PPFIBP1: variants seen among roughly 807,000 people sequenced by gnomAD.
PPFIBP1 encodes PPFIB scaffold protein 1.
Under a neutral mutation model 137.8 loss-of-function variants are expected in PPFIBP1, and 112 were observed. That is an observed-to-expected ratio of 0.81 (90% confidence interval 0.70 to 0.95). PPFIBP1 has a LOEUF of 0.95. Ranked by LOEUF, PPFIBP1 falls within the 40% of genes least tolerant of loss-of-function variation. The probability of loss-of-function intolerance (pLI) is 0.00; values close to 1 mark genes in which losing one functional copy is unlikely to be tolerated. For synonymous variants in PPFIBP1, 378 were observed against 417.3 expected (o/e 0.91, Z 1.15); for missense variants, 1,083 against 1,196.6 (o/e 0.91, Z 1.40).
intron 2 of PPFIBP1, among the ~76,000 whole-genome samples, chr12:27,590,102 A>T (rs774971219): frequency 2.0e-5 from 3 of 152,234 alleles, no homozygotes; most frequent in Non-Finnish European, 4.4e-5. Flanking sequence ...GACAGGATAC[A>T]TTAAAAACAT....
Position 27,664,366 on chromosome 12 carries a change from G to A in PPFIBP1, c.911G>A (p.Arg304Gln), listed in dbSNP as rs868105358. 8.7e-6 allele frequency: 14 copies of A among 1,604,730 alleles called. No homozygotes were observed. Among genetic ancestry groups the A allele is most frequent in the African/African-American group, 4.0e-5 (3 of 74,602 alleles). The change falls in exon 12 of 30, where the codon CGG (arginine) becomes CAG (glutamine). Residue 304 changes from arginine to glutamine, a missense_variant. Physicochemically the swap from Arg to Gln is conservative, Grantham distance 43. Coordinates refer to ENST00000228425, the MANE Select transcript of PPFIBP1 (RefSeq NM_003622.4). ...TACAATTTATTTTATTCCTAGGATC[G>A]GAAAATAGAAGATCTTCGACAGTGC... ...SLMAANEEKDRKIEDLRQCLN... is the reference protein window; with the variant it reads ...SLMAANEEKDQKIEDLRQCLN...
At chr12:27,553,111 C>G (rs1191398334) in intron 1 of PPFIBP1, among the ~76,000 whole-genome samples, 1 of 152,178 alleles carries the variant, frequency 6.6e-6, no homozygotes, top group East Asian at 1.9e-4. Context: ...AGAATCTTTG[C>G]TACATAACTC....
At chr12:27,606,057 A>T (rs2054493087) in intron 2 of PPFIBP1, among the ~76,000 whole-genome samples, 1 of 152,216 alleles carries the variant, frequency 6.6e-6, no homozygotes, top group Non-Finnish European at 1.5e-5. Flanking sequence ...ATTTAATTAG[A>T]CATTGCAATT....
In PPFIBP1 at chr12:27,667,364, TGTTAC is replaced by T. The variant is rs777083702; in HGVS notation, c.1146+45_1146+49del. 8.8e-6 allele frequency: 13 copies of T among 1,481,532 alleles called. No individual in the cohort carries two copies. The East Asian group carries it at 2.6e-4, about 30-fold the overall frequency. The allele number at this position is 1,481,532 out of a possible 1,614,324, so 91.8% of individuals were successfully genotyped here. A position where few individuals can be genotyped will look rare whatever the true frequency, so the allele number is the denominator to read the frequency against. On this transcript the variant is annotated intron_variant, in intron 13 of 29. Coordinates refer to ENST00000228425, the MANE Select transcript of PPFIBP1 (RefSeq NM_003622.4). ...TATTTCCTTTATGTTGAAGAGACTG[TGTTAC>T]TGAAAAGTTAAAACACTGCTCATAA...
intron 18 of PPFIBP1, 99 bp from the exon 19 acceptor site, chr12:27,676,965 A>G: frequency 6.6e-7 from 1 of 1,506,056 alleles, no homozygotes; most frequent in East Asian, 2.3e-5. Context: ...CACGGTGTGT[A>G]TTTGGCGAGG....
chr12:27,692,867 A>G lies in PPFIBP1; in HGVS notation c.3003A>G (p.Glu1001=), dbSNP rs2061638965. The G allele has an allele frequency of 1.9e-6, 3 of 1,614,138 alleles. No individual in the cohort carries two copies. Among genetic ancestry groups the G allele is most frequent in the Non-Finnish European group, 2.5e-6 (3 of 1,180,004 alleles). Residue 1001 remains glutamate, a synonymous_variant, in exon 30 of 30, where the codon GAA becomes GAG. Coordinates refer to ENST00000228425, the MANE Select transcript of PPFIBP1 (RefSeq NM_003622.4). ...CCCCCAGTGCCAGCATTACAGATGA[A>G]GACTCAAACGTTTGACCGTAGCACC... The part of the protein sequence containing the change: ...ARSPSASITD[E]DSNV
intron 7 of PPFIBP1, among the ~76,000 whole-genome samples, chr12:27,652,782 A>T (rs1181110402): frequency 6.6e-6 from 1 of 152,210 alleles, no homozygotes; most frequent in Non-Finnish European, 1.5e-5. Context: ...AAAGTAGGAA[A>T]ATATATATTT....
chr12:27,533,474 C>G (rs1208210688), intron 1 of PPFIBP1, among the ~76,000 whole-genome samples: 1 of 152,144 alleles, frequency 6.6e-6, no homozygotes, highest in African/African-American at 2.4e-5. Context: ...TCACACAGAT[C>G]ATGTGTGTCA....
At chr12:27,563,277 T>TA (rs869044515) in intron 1 of PPFIBP1, among the ~76,000 whole-genome samples, 5,191 of 22,062 alleles carry the variant, frequency 0.24, 1,129 homozygotes, top group Non-Finnish European at 0.27. Flanking sequence ...CCATCTCTAC[T>TA]AAAAAAAAAA....
intron 10 of PPFIBP1, among the ~76,000 whole-genome samples, chr12:27,659,978 C>T (rs1176893356): frequency 3.3e-5 from 5 of 150,818 alleles, no homozygotes; most frequent in African/African-American, 7.4e-5. Context: ...TTTTTTTTTT[C>T]TCAGAAGCAG....
chr12:27,529,448 C>A (rs947404082), intron 1 of PPFIBP1, among the ~76,000 whole-genome samples: 3 of 152,200 alleles, frequency 2.0e-5, no homozygotes, highest in Non-Finnish European at 4.4e-5. Flanking sequence ...AATCCCAGCA[C>A]TTTGGGAGGC....
chr12:27,657,094 G>A (rs971638252), intron 9 of PPFIBP1: 2 of 166,622 alleles, frequency 1.2e-5, no homozygotes, highest in African/African-American at 4.8e-5. Flanking sequence ...ACTGAAATTA[G>A]ATAAAGTAAG....
intron 14 of PPFIBP1, among the ~76,000 whole-genome samples, chr12:27,671,968 G>A (rs1021860476): frequency 2.0e-5 from 3 of 152,148 alleles, no homozygotes; most frequent in African/African-American, 7.2e-5. Context: ...GCTACTCAGA[G>A]GCTGAGGCAC....
intron 7 of PPFIBP1, 23 bp downstream of exon 7, chr12:27,650,164 CCTCT>C (rs367885450): frequency 3.6e-4 from 540 of 1,506,992 alleles, no homozygotes; most frequent in South Asian, 9.0e-4. Context: ...GTCTCTCCTC[CCTCT>C]CTCTCTCTCT....
At chr12:27,623,507 C>T (rs1219813546) in intron 2 of PPFIBP1, among the ~76,000 whole-genome samples, 1 of 151,890 alleles carries the variant, frequency 6.6e-6, no homozygotes, top group Non-Finnish European at 1.5e-5. Flanking sequence ...GTGAGACCAG[C>T]CTGAGCTATA....
At chr12:27,662,686 G>A (rs1023396531) in intron 11 of PPFIBP1, among the ~76,000 whole-genome samples, 3 of 152,196 alleles carry the variant, frequency 2.0e-5, no homozygotes, top group Non-Finnish European at 4.4e-5. Context: ...ACAGACTCAA[G>A]TACTGAAGGG....
intron 4 of PPFIBP1, chr12:27,636,415 T>C (rs1281089056): frequency 2.0e-5 from 3 of 152,132 alleles, no homozygotes. Context: ...TATTCCTTAG[T>C]CTATTTCAAT....
intron 13 of PPFIBP1, among the ~76,000 whole-genome samples, chr12:27,670,444 A>G (rs892641497): frequency 6.6e-6 from 1 of 152,198 alleles, no homozygotes; most frequent in Admixed American, 6.5e-5. Context: ...AACTGGCTTG[A>G]CCAATGTTCC....
At chr12:27,560,044 G>A (rs985166520) in intron 1 of PPFIBP1, among the ~76,000 whole-genome samples, 4 of 152,196 alleles carry the variant, frequency 2.6e-5, no homozygotes, top group Non-Finnish European at 5.9e-5. Context: ...GAGAATTTGT[G>A]TTGACAGGTA....
Sources: gnomAD v4.1 joint callset for allele counts (sites outside exome capture counted in the v4.1 genomes callset) on GRCh38, gnomAD v4.1.1 for gene constraint, MANE v1.5 for transcripts, NCBI Gene and HGNC (gene_info 2026-07-23, HGNC 2026-07-21) for gene names.